Variants in GTF2E2 observed in about 807,000 individuals in gnomAD.
GTF2E2 encodes the protein transcription initiation factor IIE subunit beta.
Under a neutral mutation model 40.5 loss-of-function variants are expected in GTF2E2, and 21 were observed. The ratio of observed to expected loss-of-function variants is 0.52; its 90% CI spans 0.37 to 0.75. GTF2E2 has a LOEUF of 0.75. Ranked by LOEUF, GTF2E2 falls within the 30% of genes least tolerant of loss-of-function variation. The pLI, the probability that GTF2E2 is intolerant of heterozygous loss-of-function variation, is 0.00. For synonymous variants in GTF2E2, 117 were observed against 121.6 expected, an observed-to-expected ratio of 0.96 and a Z score of 0.25; for missense variants, 298 against 338.4, an observed-to-expected ratio of 0.88 and a Z score of 0.94.
rs192063506 is a variant in GTF2E2 at position 30,649,135 on chromosome 8, C to T, written c.166+4298G>A. Among the ~76,000 whole-genome samples the T allele has an allele frequency of 1.5e-4, 23 of 152,026 alleles. No individual in the cohort carries two copies. The South Asian group carries it at 2.3e-3, about 15-fold the overall frequency. On this transcript the variant is annotated intron_variant, in intron 2 of 7. Coordinates refer to ENST00000355904, the MANE Select transcript of GTF2E2 (RefSeq NM_002095.6). Reference sequence around the variant, plus strand: ...TAATTCTATGTACATTTCATTGGAACGACATATAAACCTAATATATATTAT... The same window carrying T: ...TAATTCTATGTACATTTCATTGGAATGACATATAAACCTAATATATATTAT...
intron 3 of GTF2E2, among the ~76,000 whole-genome samples, chr8:30,619,312 C>G (rs1563491327): frequency 6.6e-6 from 1 of 151,952 alleles, no homozygotes; most frequent in Non-Finnish European, 1.5e-5. Flanking sequence ...CCAGACAAAA[C>G]CCTTCTATGA....
intron 2 of GTF2E2, among the ~76,000 whole-genome samples, chr8:30,637,763 C>T (rs1172165580): frequency 2.0e-5 from 3 of 152,174 alleles, no homozygotes; most frequent in Non-Finnish European, 2.9e-5. Context: ...CCCTGTGATC[C>T]ACCCAACTCA....
At chr8:30,601,514 C>A (rs1413700655) in intron 6 of GTF2E2, among the ~76,000 whole-genome samples, 2 of 151,994 alleles carry the variant, frequency 1.3e-5, no homozygotes, top group African/African-American at 4.8e-5. Flanking sequence ...TGATCAATGC[C>A]CTACAAGGCT....
chr8:30,586,405 A>G (rs984998319), intron 6 of GTF2E2, among the ~76,000 whole-genome samples: 1 of 152,180 alleles, frequency 6.6e-6, no homozygotes, highest in Non-Finnish European at 1.5e-5. Flanking sequence ...TGAGATGAGG[A>G]GATCTCAAGA....
At chr8:30,636,421 A>T (rs1801600934) in intron 2 of GTF2E2, among the ~76,000 whole-genome samples, 2 of 152,218 alleles carry the variant, frequency 1.3e-5, no homozygotes, top group South Asian at 4.1e-4. Flanking sequence ...ACTGTCAGAG[A>T]TCCAAAAGAA....
At chr8:30,644,523 G>A (rs1373129226) in intron 2 of GTF2E2, 1 of 151,962 alleles carries the variant, frequency 6.6e-6, no homozygotes, top group Non-Finnish European at 1.5e-5. Flanking sequence ...ACCTGTCATC[G>A]AAGTTTAAAG....
chr8:30,638,252 G>C (rs777936974), intron 2 of GTF2E2, among the ~76,000 whole-genome samples: 19 of 152,102 alleles, frequency 1.2e-4, no homozygotes, highest in Non-Finnish European at 2.2e-4. Flanking sequence ...TGGCAAACCT[G>C]GACTGTTTGT....
chr8:30,593,636 A>C (rs905780080), intron 6 of GTF2E2, among the ~76,000 whole-genome samples: 2 of 152,076 alleles, frequency 1.3e-5, no homozygotes, highest in African/African-American at 4.8e-5. Flanking sequence ...CTACGAGACT[A>C]CAGGTGCACA....
intron 6 of GTF2E2, among the ~76,000 whole-genome samples, chr8:30,600,745 C>T (rs1829154567): frequency 6.6e-6 from 1 of 152,156 alleles, no homozygotes; most frequent in Non-Finnish European, 1.5e-5. Context: ...AATAAGTTGC[C>T]TGCCTAGGTC....
intron 2 of GTF2E2, chr8:30,644,466 T>G (rs996582230): frequency 2.0e-5 from 3 of 152,196 alleles, no homozygotes; most frequent in Non-Finnish European, 4.4e-5. Context: ...TTATTTGGTT[T>G]TCTTTCTCTA....
intron 1 of GTF2E2, among the ~76,000 whole-genome samples, chr8:30,656,110 G>A (rs1266875368): frequency 6.6e-6 from 1 of 152,006 alleles, no homozygotes; most frequent in Non-Finnish European, 1.5e-5. Flanking sequence ...CACCGCACCC[G>A]GCCTCAGTTT....
At chr8:30,648,445 C>G (rs984711865) in intron 2 of GTF2E2, among the ~76,000 whole-genome samples, 6 of 152,240 alleles carry the variant, frequency 3.9e-5, no homozygotes, top group Non-Finnish European at 8.8e-5. Flanking sequence ...ACCTAGCAAT[C>G]CAATGACCGT....
intron 2 of GTF2E2, among the ~76,000 whole-genome samples, chr8:30,644,851 A>C (rs929627597): frequency 1.3e-5 from 2 of 151,880 alleles, no homozygotes; most frequent in Non-Finnish European, 2.9e-5. Flanking sequence ...CCCTGGCTCA[A>C]GCAATCTTCC....
At chr8:30,612,026 T>C (rs1474270389) in intron 5 of GTF2E2, among the ~76,000 whole-genome samples, 1 of 152,208 alleles carries the variant, frequency 6.6e-6, no homozygotes, top group Non-Finnish European at 1.5e-5. Flanking sequence ...AGAAACTCTA[T>C]TGCCTTTGAG....
chr8:30,650,492 C>T (rs910115430), intron 2 of GTF2E2, among the ~76,000 whole-genome samples: 1 of 147,286 alleles, frequency 6.8e-6, no homozygotes, highest in African/African-American at 2.5e-5. Flanking sequence ...GAGTTTGAGA[C>T]CCACCTGGGC....
Position 30,616,595 on chromosome 8 carries a change from G to A in GTF2E2, c.259-1880C>T, listed in dbSNP as rs182402016. On this transcript the variant is annotated intron_variant, in intron 3 of 7. Coordinates refer to ENST00000355904, the MANE Select transcript of GTF2E2 (RefSeq NM_002095.6). ...GGTGGACATAGGTCATTATACACTT[G>A]TCCAAACCCACAGAAAGAACACCAC... 4.8e-4 allele frequency among the ~76,000 whole-genome samples: 73 copies of A among 152,164 alleles called. 1 individual carries two copies. In the East Asian group the frequency reaches 8.9e-3, roughly 18 times the overall value.
chr8:30,591,996 T>C (rs1035189431), intron 6 of GTF2E2, among the ~76,000 whole-genome samples: 2 of 152,214 alleles, frequency 1.3e-5, no homozygotes, highest in South Asian at 2.1e-4. Flanking sequence ...CCCATGAATT[T>C]TGATACACTG....
At chr8:30,652,998 C>T (rs1802333854) in intron 2 of GTF2E2, among the ~76,000 whole-genome samples, 1 of 152,066 alleles carries the variant, frequency 6.6e-6, no homozygotes, top group South Asian at 2.1e-4. Flanking sequence ...AGGAAATATC[C>T]AGAAAAGGCA....
rs1456241103 is a variant in GTF2E2 at position 30,653,432 on chromosome 8, C to T, written c.166+1G>A. 6.2e-7 allele frequency: 1 copy of T among 1,609,274 alleles called. No homozygotes were observed. The highest frequency in any genetic ancestry group is 1.1e-5 in the South Asian group (1 of 90,480). On this transcript the variant is annotated splice_donor_variant, in intron 2 of 7. Coordinates refer to ENST00000355904, the MANE Select transcript of GTF2E2 (RefSeq NM_002095.6). LOFTEE classifies it high-confidence loss of function. ...AAACAGTCCTAAACAATTTTACTAACCAGAATTTTGTTTAGAGCCTGACGA... is the reference window on the plus strand; with the variant it reads ...AAACAGTCCTAAACAATTTTACTAATCAGAATTTTGTTTAGAGCCTGACGA...
Sources: gnomAD v4.1 joint callset for allele counts (sites outside exome capture counted in the v4.1 genomes callset) on GRCh38, gnomAD v4.1.1 for gene constraint, MANE v1.5 for transcripts, NCBI Gene and HGNC (gene_info 2026-07-23, HGNC 2026-07-21) for gene names.